Variants in SORCS3 observed in about 807,000 individuals in gnomAD.
SORCS3 encodes the protein sortilin related VPS10 domain containing receptor 3, also known as VPS10 domain-containing receptor SorCS3.
SORCS3 carries 57 observed loss-of-function variants against 146.3 expected under a neutral mutation model. The ratio of observed to expected loss-of-function variants is 0.39; its 90% CI spans 0.31 to 0.49. The LOEUF (loss-of-function observed/expected upper bound fraction) is 0.49. SORCS3 is among the 20% of genes least tolerant of loss of function. The pLI is 0.92. For synonymous variants in SORCS3, 653 were observed against 618.5 expected, an observed-to-expected ratio of 1.06 and a Z score of -0.83; for missense variants, 1,341 against 1,575.5, an observed-to-expected ratio of 0.85 and a Z score of 2.52.
At chr10:104,884,962 C>T (rs2018668029) in intron 2 of SORCS3, among the ~76,000 whole-genome samples, 2 of 152,016 alleles carry the variant, frequency 1.3e-5, no homozygotes, top group Non-Finnish European at 2.9e-5. Context: ...GTTTTTCTCA[C>T]ACTATTTATT....
intron 2 of SORCS3, among the ~76,000 whole-genome samples, chr10:104,869,831 G>C (rs1326320308): frequency 6.6e-6 from 1 of 152,158 alleles, no homozygotes; most frequent in African/African-American, 2.4e-5. Flanking sequence ...ATCTTTTATA[G>C]TAGAGGCCAA....
intron 1 of SORCS3, among the ~76,000 whole-genome samples, chr10:104,722,379 C>T (rs1219922997): frequency 6.6e-6 from 1 of 152,144 alleles, no homozygotes; most frequent in African/African-American, 2.4e-5. Context: ...ATTCAGTTTG[C>T]CAATATTTTA....
chr10:105,134,309 C>A (rs1438096736), intron 7 of SORCS3, among the ~76,000 whole-genome samples: 3 of 152,112 alleles, frequency 2.0e-5, no homozygotes, highest in Non-Finnish European at 4.4e-5. Flanking sequence ...TAGATGTACT[C>A]AATTAATGAC....
At chr10:104,951,803 T>C (rs1480785762) in intron 3 of SORCS3, among the ~76,000 whole-genome samples, 1 of 152,210 alleles carries the variant, frequency 6.6e-6, no homozygotes, top group Non-Finnish European at 1.5e-5. Flanking sequence ...CATCCCAGGA[T>C]ATTCTTATAA....
At chr10:105,118,440 T>C (rs1236189683) in intron 7 of SORCS3, among the ~76,000 whole-genome samples, 1 of 152,166 alleles carries the variant, frequency 6.6e-6, no homozygotes, top group Non-Finnish European at 1.5e-5. Context: ...TTTATAGCAG[T>C]GTGAGAACAG....
chr10:104,689,056 T>G (rs1298295090), intron 1 of SORCS3, among the ~76,000 whole-genome samples: 1 of 152,238 alleles, frequency 6.6e-6, no homozygotes, highest in Non-Finnish European at 1.5e-5. Context: ...CACTCACACT[T>G]TGGCTCCTGT....
In SORCS3 at chr10:105,263,523, G is replaced by T. The variant is rs1022760064; in HGVS notation, c.*149G>T. On this transcript the variant is annotated 3_prime_UTR_variant, in exon 27 of 27. Coordinates refer to ENST00000369701, the MANE Select transcript of SORCS3 (RefSeq NM_014978.3). ...ATAGCAGGCAAATGCCTAGCTTTGG[G>T]AGAAAAGGGCATTCTTAGCTGATTG... The T allele has an allele frequency of 7.9e-5, 54 of 686,786 alleles. No individual in the cohort carries two copies. In the South Asian group the frequency reaches 1.0e-3, roughly 13 times the overall value. The allele number at this position is 686,786 out of a possible 1,614,324, so 42.5% of individuals were successfully genotyped here. A position where few individuals can be genotyped will look rare whatever the true frequency, so the allele number is the denominator to read the frequency against.
intron 1 of SORCS3, among the ~76,000 whole-genome samples, chr10:104,756,022 C>G (rs924326219): frequency 6.6e-6 from 1 of 152,142 alleles, no homozygotes; most frequent in African/African-American, 2.4e-5. Context: ...GCTTCCCTTT[C>G]TTGCTGCCTG....
intron 22 of SORCS3, among the ~76,000 whole-genome samples, chr10:105,249,431 G>A (rs1294053478): frequency 6.6e-6 from 1 of 152,186 alleles, no homozygotes; most frequent in Non-Finnish European, 1.5e-5. Context: ...GTTCCCCAAG[G>A]CAGAGGAGAA....
intron 7 of SORCS3, among the ~76,000 whole-genome samples, chr10:105,124,715 G>T (rs1447248314): frequency 2.0e-5 from 3 of 152,068 alleles, no homozygotes; most frequent in Admixed American, 2.0e-4. Flanking sequence ...GCTTGTGTTT[G>T]ATGGGAACAT....
intron 1 of SORCS3, among the ~76,000 whole-genome samples, chr10:104,748,186 A>G (rs1416576595): frequency 6.6e-6 from 1 of 152,184 alleles, no homozygotes; most frequent in Non-Finnish European, 1.5e-5. Flanking sequence ...TTCTCTTTTT[A>G]TAGATCTGGA....
intron 3 of SORCS3, among the ~76,000 whole-genome samples, chr10:104,934,456 T>C (rs2019239788): frequency 6.6e-6 from 1 of 152,250 alleles, no homozygotes; most frequent in Non-Finnish European, 1.5e-5. Flanking sequence ...TATGTTTTTG[T>C]GTCCCTGAGT....
chr10:105,117,912 T>G (rs181032778), intron 7 of SORCS3, among the ~76,000 whole-genome samples: 81 of 152,328 alleles, frequency 5.3e-4, no homozygotes, highest in Non-Finnish European at 1.0e-3. Context: ...TTCTCGTTGC[T>G]TCCTCAATAA....
intron 5 of SORCS3, among the ~76,000 whole-genome samples, chr10:105,075,449 T>C (rs1438469217): frequency 1.3e-5 from 2 of 152,116 alleles, no homozygotes; most frequent in African/African-American, 2.4e-5. Flanking sequence ...CATCTGCCCA[T>C]GCCCTCCCTG....
At chr10:104,747,812 C>T (rs537194898) in intron 1 of SORCS3, among the ~76,000 whole-genome samples, 2 of 152,366 alleles carry the variant, frequency 1.3e-5, no homozygotes, top group South Asian at 4.1e-4. Flanking sequence ...TCTGCCTTAG[C>T]ACTTCCACAC....
chr10:105,077,000 C>T (rs1194123257), intron 5 of SORCS3, among the ~76,000 whole-genome samples: 1 of 152,216 alleles, frequency 6.6e-6, no homozygotes, highest in Non-Finnish European at 1.5e-5. Flanking sequence ...TTGAATTTCT[C>T]TACCCGTGGG....
At chr10:105,071,338 C>T (rs1051354411) in intron 5 of SORCS3, among the ~76,000 whole-genome samples, 1 of 152,222 alleles carries the variant, frequency 6.6e-6, no homozygotes, top group Non-Finnish European at 1.5e-5. Flanking sequence ...CTGTTTTCCT[C>T]ATGAAGCACA....
At chr10:104,732,018 A>G (rs1049475371) in intron 1 of SORCS3, among the ~76,000 whole-genome samples, 2 of 152,210 alleles carry the variant, frequency 1.3e-5, no homozygotes, top group Non-Finnish European at 2.9e-5. Flanking sequence ...AATATTTTAT[A>G]GGGTTAGAAG....
chr10:105,171,494 A>G lies in SORCS3; in HGVS notation c.1901+4145A>G, dbSNP rs887745053. The stretch of plus-strand genomic sequence containing the variant: ...CCTGACAAGCTGTCAGTGTCTCTCA[A>G]TGGGATGTTCTTGGAAACAGAAAGG... On this transcript the variant is annotated intron_variant, in intron 13 of 26. Coordinates refer to ENST00000369701, the MANE Select transcript of SORCS3 (RefSeq NM_014978.3). 2.8e-4 allele frequency among the ~76,000 whole-genome samples: 43 copies of G among 152,350 alleles called. No individual in the cohort carries two copies. In the East Asian group the frequency reaches 5.0e-3, roughly 18 times the overall value.
Sources: gnomAD v4.1 joint callset for allele counts (sites outside exome capture counted in the v4.1 genomes callset) on GRCh38, gnomAD v4.1.1 for gene constraint, MANE v1.5 for transcripts, NCBI Gene and HGNC (gene_info 2026-07-23, HGNC 2026-07-21) for gene names.